Variants in CIT observed in about 807,000 individuals in gnomAD.
The protein encoded by CIT is citron Rho-interacting kinase.
A neutral mutation model predicts 272.7 loss-of-function variants in CIT; 79 were observed. The observed-to-expected ratio is 0.29, with a 90% CI of 0.24 to 0.35. CIT has a LOEUF of 0.35. Among genes scored for constraint, CIT ranks in the 10% least tolerant of loss-of-function variants. The probability of loss-of-function intolerance (pLI) is 1.00; values close to 1 mark genes in which losing one functional copy is unlikely to be tolerated. For synonymous variants in CIT, 948 were observed against 995.6 expected, an observed-to-expected ratio of 0.95 and a Z score of 0.90; for missense variants, 1,909 against 2,618.3, an observed-to-expected ratio of 0.73 and a Z score of 5.91.
intron 9 of CIT, 137 bp from the exon 10 acceptor site, chr12:119,803,526 AAC>A: frequency 1.8e-6 from 1 of 570,520 alleles, no homozygotes; most frequent in Non-Finnish European, 3.0e-6. Context: ...TCTAGCTCGC[AAC>A]CTCGGCTCCT....
At position 119,712,261 on chromosome 12, in the gene CIT, G is replaced by A. The variant is rs1351478908; in HGVS notation, c.4771C>T (p.Pro1591Ser). The change falls in exon 37 of 48, where the codon CCT becomes TCT. Residue 1591 changes from proline to serine, a missense_variant. By Grantham distance (74) the Pro-to-Ser change is moderately conservative. Around this residue, in one of 8 missense-constraint regions of CIT, gnomAD observed 780 missense variants for 1,067.2 expected, o/e 0.73. Coordinates refer to ENST00000392521, the MANE Select transcript of CIT (RefSeq NM_001206999.2). This position sits in a 1 kb window ranked among gnomAD's most constrained non-coding sequence, Gnocchi z 5.2. Reference protein sequence around the residue: ...RTLYLLAPSFPDKQRWVTALE... With the variant: ...RTLYLLAPSFSDKQRWVTALE... The stretch of plus-strand genomic sequence containing the variant: ...GCGGTGACCCAGCGCTGTTTGTCAG[G>A]GAAGCTGGGAGCTAGCAAGTAGAGG... 1 of 1,614,170 alleles carries A rather than the reference G, an allele frequency of 6.2e-7. No homozygotes were observed. Among genetic ancestry groups the A allele is most frequent in the Admixed American group, 1.7e-5 (1 of 60,012 alleles).
At chr12:119,730,752 A>G (rs994174990) in intron 26 of CIT, 122 bp from the exon 27 acceptor site, 4 of 970,836 alleles carry the variant, frequency 4.1e-6, no homozygotes, top group African/African-American at 3.3e-5. Flanking sequence ...AAGATGCCCA[A>G]CCTTGACTCT....
intron 10 of CIT, among the ~76,000 whole-genome samples, chr12:119,785,927 T>C (rs926922042): frequency 1.3e-5 from 2 of 152,182 alleles, no homozygotes; most frequent in Non-Finnish European, 2.9e-5. Context: ...TAAATGTGTG[T>C]TGTTTTAAGC....
At position 119,718,576 on chromosome 12, in the gene CIT, TG is replaced by T; in HGVS notation, c.4003+122del. 7.0e-7 allele frequency: 1 copy of T among 1,425,094 alleles called. No individual in the cohort carries two copies. The highest frequency in any genetic ancestry group is 9.6e-7 in the Non-Finnish European group (1 of 1,039,600). The allele number at this position is 1,425,094 out of a possible 1,614,324, so 88.3% of individuals were successfully genotyped here. A position where few individuals can be genotyped will look rare whatever the true frequency, so the allele number is the denominator to read the frequency against. The stretch of plus-strand genomic sequence containing the variant: ...ATACGTTTTTCAGACATGGGATGTC[TG>T]GTCTGAAAGCGTATGGGCCATAAAC... On this transcript the variant is annotated intron_variant, in intron 31 of 47. Transcript: ENST00000392521. The surrounding 1 kb of genome is among the most constrained non-coding windows in gnomAD (Gnocchi z 4.8).
intron 15 of CIT, 111 bp downstream of exon 15, chr12:119,776,247 C>T: frequency 1.2e-6 from 1 of 829,478 alleles, no homozygotes; most frequent in South Asian, 1.5e-5. Flanking sequence ...GAAGAGAGGT[C>T]TCTATTCATT....
chr12:119,831,556 C>G (rs1968631903), intron 7 of CIT, among the ~76,000 whole-genome samples: 1 of 152,108 alleles, frequency 6.6e-6, no homozygotes, highest in Admixed American at 6.6e-5. Context: ...TAATAATATC[C>G]ACTTTTCTGG....
chr12:119,752,189 T>C lies in CIT; in HGVS notation c.2765A>G (p.Gln922Arg). Residue 922 changes from glutamine to arginine, a missense_variant, in exon 23 of 48, where the codon CAG becomes CGG. By Grantham distance (43) the Gln-to-Arg change is conservative (BLOSUM62 1). Coordinates refer to ENST00000392521, the MANE Select transcript of CIT (RefSeq NM_001206999.2). The part of the protein sequence containing the change: ...LELKRQLTEL[Q>R]LSLQERESQL... The stretch of plus-strand genomic sequence containing the variant: ...TGACTCGCGCTCCTGCAGGGAGAGC[T>C]GTAGCTCTGTGAGCTGGCGCTTGAG... 1.2e-6 allele frequency: 2 copies of C among 1,611,744 alleles called. No homozygotes were observed. Among genetic ancestry groups the C allele is most frequent in the Non-Finnish European group, 8.5e-7 (1 of 1,179,950 alleles).
At chr12:119,787,908 G>C (rs386259) in intron 10 of CIT, among the ~76,000 whole-genome samples, 85,542 of 151,918 alleles carry the variant, frequency 0.56, 24,938 homozygotes, top group African/African-American at 0.7. Context: ...ATGTAATGCT[G>C]TCAGCACAGT....
At chr12:119,803,082 G>A (rs2137876656) in intron 10 of CIT, 124 bp downstream of exon 10, 1 of 685,706 alleles carries the variant, frequency 1.5e-6, no homozygotes, top group African/African-American at 1.9e-5. Flanking sequence ...TCCCAATGCA[G>A]GTGACTAGCA....
At chr12:119,726,185 C>G (rs1176943243) in intron 28 of CIT, among the ~76,000 whole-genome samples, 1 of 151,904 alleles carries the variant, frequency 6.6e-6, no homozygotes, top group Non-Finnish European at 1.5e-5. Context: ...ATTTCTAGAA[C>G]TTTCTCAAAC....
rs182092782 is a variant in CIT at position 119,785,070 on chromosome 12, G to A, written c.1296-5C>T. Reference sequence around the variant, plus strand: ...TCCAGACCCGACACAACAGACCTAGGTAGAGAAAAACCAACGTCAAGGGGG... The same window carrying A: ...TCCAGACCCGACACAACAGACCTAGATAGAGAAAAACCAACGTCAAGGGGG... On this transcript the variant is annotated splice_region_variant and splice_polypyrimidine_tract_variant and intron_variant, in intron 10 of 47. Transcript: ENST00000392521. The A allele has an allele frequency of 3.2e-4, 519 of 1,613,580 alleles. 1 individual carries two copies. In the African/African-American group the frequency reaches 5.9e-3, roughly 18 times the overall value.
intron 3 of CIT, among the ~76,000 whole-genome samples, chr12:119,862,374 C>T (rs1420594259): frequency 6.6e-6 from 1 of 152,124 alleles, no homozygotes; most frequent in African/African-American, 2.4e-5. Context: ...GCACACTATA[C>T]AGCAATCTGT....
intron 26 of CIT, among the ~76,000 whole-genome samples, chr12:119,733,172 G>T (rs1023940318): frequency 6.6e-6 from 1 of 151,668 alleles, no homozygotes; most frequent in African/African-American, 2.4e-5. Flanking sequence ...AAACAAAAGT[G>T]AGAAAGCAGA....
At chr12:119,717,018 T>A (rs1957528032) in intron 32 of CIT, among the ~76,000 whole-genome samples, 1 of 152,196 alleles carries the variant, frequency 6.6e-6, no homozygotes, top group African/African-American at 2.4e-5. Context: ...ATGATATTTA[T>A]AAGAGAAAAA....
At chr12:119,876,857 G>A (rs1465729916) in intron 1 of CIT, among the ~76,000 whole-genome samples, 1 of 152,176 alleles carries the variant, frequency 6.6e-6, no homozygotes, top group Non-Finnish European at 1.5e-5. Flanking sequence ...GTGATGGGGT[G>A]GGCACGGGGT....
chr12:119,775,791 C>T lies in CIT; in HGVS notation c.1936G>A (p.Glu646Lys). 13 of 1,613,572 alleles carry T rather than the reference C, an allele frequency of 8.1e-6. No homozygotes were observed. The highest frequency in any genetic ancestry group is 1.1e-5 in the Non-Finnish European group (13 of 1,179,526). The change falls in exon 16 of 48, where the codon GAG becomes AAG. Residue 646 changes from glutamate (E) to lysine (K), a missense_variant. Physicochemically the swap from Glu to Lys is moderately conservative, Grantham distance 56. Around this residue, in one of 8 missense-constraint regions of CIT, gnomAD observed 530 missense variants for 822.4 expected, o/e 0.64. Coordinates refer to ENST00000392521, the MANE Select transcript of CIT (RefSeq NM_001206999.2). The part of the protein sequence containing the change: ...LKIQELQEKL[E>K]KAVKASTEAT... The stretch of plus-strand genomic sequence containing the variant: ...AAAAATCACCTTGGGCTTACCTTCT[C>T]CAGTTTCTCTTGGAGCTCCTGAATT...
chr12:119,780,935 CGG>C (rs1566034041), intron 13 of CIT, among the ~76,000 whole-genome samples: 1 of 152,174 alleles, frequency 6.6e-6, no homozygotes, highest in Non-Finnish European at 1.5e-5. Context: ...TCTTTGAACT[CGG>C]CCACCAACAT....
rs570864835 is a variant in CIT at position 119,691,137 on chromosome 12, A to T, written c.5883-683T>A. ...CAGTGAGCCAAGATCGGACCACTGC[A>T]CTCCAGCCTAAGTGACAGAGCAAGA... On this transcript the variant is annotated intron_variant, in intron 46 of 47. Coordinates refer to ENST00000392521, the MANE Select transcript of CIT (RefSeq NM_001206999.2). Among the ~76,000 whole-genome samples, 27 of 141,910 alleles carry T rather than the reference A, an allele frequency of 1.9e-4. 1 individual carries two copies. In the East Asian group the frequency reaches 5.7e-3, roughly 30 times the overall value. The allele number at this position is 141,910 out of a possible 152,430, so 93.1% of individuals were successfully genotyped here. A position where few individuals can be genotyped will look rare whatever the true frequency, so the allele number is the denominator to read the frequency against.
intron 7 of CIT, among the ~76,000 whole-genome samples, chr12:119,827,778 C>T (rs1968290939): frequency 6.6e-6 from 1 of 152,174 alleles, no homozygotes; most frequent in Non-Finnish European, 1.5e-5. Context: ...AGAAGGAAAA[C>T]TGTAACATCT....
Sources: allele counts gnomAD v4.1 joint callset (sites outside exome capture counted in the v4.1 genomes callset), GRCh38; gene constraint gnomAD v4.1.1; regional missense constraint gnomAD v4.1.1; non-coding constraint Gnocchi (gnomAD v3.1); transcripts MANE v1.5; gene names NCBI Gene and HGNC (gene_info 2026-07-23, HGNC 2026-07-21).